IDO2: variants seen among roughly 807,000 people sequenced by gnomAD.
IDO2 encodes indoleamine 2,3-dioxygenase-like 1 protein.
In IDO2, 46 loss-of-function variants were observed where a neutral mutation model predicts 45.1. That is an observed-to-expected ratio of 1.02 (90% CI 0.80 to 1.30). IDO2 has a LOEUF of 1.30. Ranked by LOEUF, IDO2 falls within the 50% of genes most tolerant of loss-of-function variation. IDO2 has a pLI of 0.00. For synonymous variants in IDO2, 218 were observed against 184.9 expected (o/e 1.18, Z -1.45); for missense variants, 544 against 491.8 (o/e 1.11, Z -1.00).
chr8:39,939,939 A>C (rs11773909), intron 1 of IDO2, among the ~76,000 whole-genome samples: 63,990 of 151,908 alleles, frequency 0.42, 13,664 homozygotes, highest in East Asian at 0.58. Context: ...TCCTTTTTCT[A>C]ATTTCTCCTT....
Position 40,013,809 on chromosome 8 carries a change from A to G in IDO2, c.868+96A>G, listed in dbSNP as rs546369981. Reference sequence around the variant, plus strand: ...TTGATAAAACCAAATATAAATTAAAATGTCATGAAGTTTATACTTCTCTAA... The same window carrying G: ...TTGATAAAACCAAATATAAATTAAAGTGTCATGAAGTTTATACTTCTCTAA... On this transcript the variant is annotated intron_variant, in intron 10 of 10. Coordinates refer to ENST00000502986, the Ensembl canonical transcript of IDO2. The G allele has an allele frequency of 1.2e-5, 12 of 1,008,894 alleles. No homozygotes were observed. In the Middle Eastern group the frequency reaches 6.6e-4, roughly 56 times the overall value. 62.5% of individuals were successfully genotyped at this position (1,008,894 alleles called of 1,614,324 possible). A position where few individuals can be genotyped will look rare whatever the true frequency, so the allele number is the denominator to read the frequency against.
chr8:39,937,226 C>T (rs910203687), intron 1 of IDO2, among the ~76,000 whole-genome samples: 4 of 152,144 alleles, frequency 2.6e-5, no homozygotes, highest in African/African-American at 9.7e-5. Context: ...ATGATGGCTC[C>T]CAGTTTATCA....
chr8:39,981,906 G>A (rs1018862114), intron 4 of IDO2, among the ~76,000 whole-genome samples: 1 of 152,098 alleles, frequency 6.6e-6, no homozygotes, highest in African/African-American at 2.4e-5. Context: ...AGCCGTGGAG[G>A]GTTCCTTGGA....
At chr8:39,934,748 C>G (rs1807519527) in exon 1 of IDO2, 1 of 256,666 alleles carries the variant, frequency 3.9e-6, no homozygotes, top group African/African-American at 2.3e-5. Flanking sequence ...TGGAAGATGC[C>G]CTAGAGACGC....
intron 2 of IDO2, among the ~76,000 whole-genome samples, chr8:39,951,275 A>ATTTTTTTTTTTT (rs71220803): frequency 1.5e-5 from 2 of 136,028 alleles, no homozygotes; most frequent in African/African-American, 5.6e-5. Context: ...GGACCCCAAG[A>ATTTTTTTTTTTT]TTTTTTTTTT....
chr8:40,003,940 T>C (rs1239126602), intron 8 of IDO2, among the ~76,000 whole-genome samples: 1 of 152,148 alleles, frequency 6.6e-6, no homozygotes, highest in African/African-American at 2.4e-5. Context: ...ATGTTTGTTT[T>C]CATCATGAGT....
intron 1 of IDO2, among the ~76,000 whole-genome samples, chr8:39,937,026 T>C (rs1040655397): frequency 6.6e-6 from 1 of 152,212 alleles, no homozygotes; most frequent in Non-Finnish European, 1.5e-5. Flanking sequence ...TTCCCTGCAA[T>C]AGATACCCAT....
chr8:39,967,826 T>A (rs1054862890), intron 3 of IDO2, among the ~76,000 whole-genome samples: 7 of 152,192 alleles, frequency 4.6e-5, no homozygotes, highest in Non-Finnish European at 1.0e-4. Flanking sequence ...GCTAATTTTT[T>A]AAAAATCTGG....
At chr8:39,980,916 A>T (rs948465438) in intron 4 of IDO2, among the ~76,000 whole-genome samples, 2 of 151,150 alleles carry the variant, frequency 1.3e-5, no homozygotes, top group Non-Finnish European at 3.0e-5. Context: ...CGGCCAGCTA[A>T]TTTTTTTTGT....
intron 5 of IDO2, chr8:39,984,846 A>C: frequency 7.5e-6 from 3 of 397,806 alleles, no homozygotes; most frequent in South Asian, 5.6e-5. Context: ...GCAAATCCTA[A>C]AAGTTGAGTA....
chr8:39,977,410 G>T (rs1254162991), intron 3 of IDO2, among the ~76,000 whole-genome samples: 3 of 152,210 alleles, frequency 2.0e-5, no homozygotes, highest in Admixed American at 1.3e-4. Flanking sequence ...TCAAGGCTGG[G>T]CATAAGTAAG....
At chr8:40,011,153 T>G (rs1407306279) in intron 9 of IDO2, among the ~76,000 whole-genome samples, 1 of 152,010 alleles carries the variant, frequency 6.6e-6, no homozygotes, top group Non-Finnish European at 1.5e-5. Flanking sequence ...TCAATCGATC[T>G]CCCCGCCTGG....
intron 3 of IDO2, among the ~76,000 whole-genome samples, chr8:39,969,099 G>A (rs964169935): frequency 3.9e-5 from 6 of 152,016 alleles, no homozygotes; most frequent in Admixed American, 6.6e-5. Context: ...CATGGGGTGC[G>A]GGTGAACAGT....
intron 4 of IDO2, among the ~76,000 whole-genome samples, chr8:39,981,847 C>T (rs562712359): frequency 1.7e-4 from 26 of 151,962 alleles, no homozygotes; most frequent in Non-Finnish European, 3.2e-4. Flanking sequence ...CAGCCTTTAC[C>T]TCCGATAGAG....
chr8:40,008,253 C>T (rs1227350344), intron 9 of IDO2, among the ~76,000 whole-genome samples: 2 of 152,032 alleles, frequency 1.3e-5, no homozygotes, highest in African/African-American at 4.8e-5. Context: ...ACCATGTTGG[C>T]CAGGCTGGTC....
chr8:40,015,858 C>T, exon 11 of IDO2: 1 of 433,304 alleles, frequency 2.3e-6, no homozygotes, highest in Admixed American at 3.9e-5. Context: ...TGCAGAACCC[C>T]CAGAGGAGTG....
chr8:39,963,817 ACTTAT>A, intron 3 of IDO2, 114 bp downstream of exon 3: 1 of 612,086 alleles, frequency 1.6e-6, no homozygotes, highest in Non-Finnish European at 2.9e-6. Flanking sequence ...TTACCATTGA[ACTTAT>A]CAGCAAAGCT....
intron 1 of IDO2, among the ~76,000 whole-genome samples, chr8:39,946,775 G>A (rs1214793163): frequency 6.6e-6 from 1 of 152,120 alleles, no homozygotes; most frequent in African/African-American, 2.4e-5. Flanking sequence ...TAGACAGTGG[G>A]CAAGGTGACC....
Position 39,935,199 on chromosome 8 carries a change from G to A in IDO2, c.-37G>A. 6.2e-7 allele frequency: 1 copy of A among 1,613,560 alleles called. No individual in the cohort carries two copies. The highest frequency in any genetic ancestry group is 8.5e-7 in the Non-Finnish European group (1 of 1,179,560). On this transcript the variant is annotated 5_prime_UTR_variant, in exon 1 of 11. It removes an upstream start codon present in the reference 5' UTR. Coordinates refer to ENST00000502986, the Ensembl canonical transcript of IDO2. ...TCACCCACCAGGCCACCACAAGAAT[G>A]TTGCATTTTCATTATTATGGTAAGT...
Sources: allele counts gnomAD v4.1 joint callset (sites outside exome capture counted in the v4.1 genomes callset), GRCh38; gene constraint gnomAD v4.1.1; transcripts MANE v1.5; gene names NCBI Gene and HGNC (gene_info 2026-07-23, HGNC 2026-07-21).